ANO3: variants seen among roughly 807,000 people sequenced by gnomAD.
ANO3 encodes anoctamin-3.
Under a neutral mutation model 144.8 loss-of-function variants are expected in ANO3, and 99 were observed. The observed-to-expected ratio is 0.68, with a 90% CI of 0.58 to 0.81. The LOEUF is 0.81. Among genes scored for constraint, ANO3 ranks in the 30% least tolerant of loss-of-function variants. The pLI is 0.00. For missense variants in ANO3, 905 were observed against 1,202.2 expected (o/e 0.75, Z 3.66); for synonymous variants, 414 against 392.6 (o/e 1.05, Z -0.64).
chr11:26,650,480 T>C (rs528257339), intron 24 of ANO3, among the ~76,000 whole-genome samples: 2 of 152,228 alleles, frequency 1.3e-5, no homozygotes, highest in East Asian at 3.9e-4. Flanking sequence ...GAAATTAAGA[T>C]ATCATTTGCC....
In ANO3 at chr11:26,233,210, C is replaced by A. The variant is rs1357910603; in HGVS notation, c.154+43880C>A. Among the ~76,000 whole-genome samples the A allele has an allele frequency of 4.5e-5, 6 of 133,734 alleles. No homozygotes were observed. In the East Asian group the frequency reaches 1.3e-3, roughly 28 times the overall value. 87.7% of individuals were successfully genotyped at this position (133,734 alleles called of 152,430 possible). ...CCAGCCTGGGCAACAGAGCAAGACT[C>A]CGTCTCAAAAAAAAAAAAAGAAAAG... On this transcript the variant is annotated intron_variant, in intron 1 of 27. Coordinates refer to the ANO3 transcript ENST00000672621.
chr11:26,652,624 C>T (rs1157846701), intron 24 of ANO3, among the ~76,000 whole-genome samples: 3 of 152,114 alleles, frequency 2.0e-5, no homozygotes, highest in African/African-American at 7.2e-5. Context: ...AACATTGAAA[C>T]ATGCTTTTAT....
At chr11:26,487,588 G>C (rs1860506042) in intron 4 of ANO3, among the ~76,000 whole-genome samples, 1 of 152,134 alleles carries the variant, frequency 6.6e-6, no homozygotes, top group South Asian at 2.1e-4. Context: ...ATGTGGGAAA[G>C]CTTGGAACCT....
chr11:26,246,274 G>A (rs376906547), intron 1 of ANO3, among the ~76,000 whole-genome samples: 2 of 151,844 alleles, frequency 1.3e-5, no homozygotes, highest in Non-Finnish European at 2.9e-5. Context: ...TACATATTAC[G>A]GAAAATATAT....
At chr11:26,359,845 C>T (rs2133923024) in intron 1 of ANO3, among the ~76,000 whole-genome samples, 1 of 151,210 alleles carries the variant, frequency 6.6e-6, no homozygotes, top group South Asian at 2.1e-4. Flanking sequence ...CCCAGTTTTA[C>T]ATCTTGGTCA....
intron 1 of ANO3, among the ~76,000 whole-genome samples, chr11:26,440,853 T>C (rs1858484585): frequency 6.6e-6 from 1 of 152,174 alleles, no homozygotes; most frequent in Middle Eastern, 3.4e-3. Flanking sequence ...AATGAGAGTG[T>C]CCAGAGACAC....
intron 4 of ANO3, among the ~76,000 whole-genome samples, chr11:26,486,687 T>G (rs1460907842): frequency 6.6e-6 from 1 of 152,206 alleles, no homozygotes; most frequent in Non-Finnish European, 1.5e-5. Context: ...TGGCATCTTA[T>G]ACACTAAATT....
chr11:26,360,097 G>A (rs866233828), intron 1 of ANO3, among the ~76,000 whole-genome samples: 4 of 150,208 alleles, frequency 2.7e-5, no homozygotes, highest in African/African-American at 9.8e-5. Context: ...ATCTTCTAGT[G>A]TTTTTTAAAT....
At chr11:26,592,031 T>C (rs1201714002) in intron 14 of ANO3, among the ~76,000 whole-genome samples, 1 of 152,132 alleles carries the variant, frequency 6.6e-6, no homozygotes, top group Non-Finnish European at 1.5e-5. Flanking sequence ...TTCCTTTCCC[T>C]CCTCTCAGGG....
rs560313590 is a variant in ANO3, at chr11:26,349,406, CAT to C, written c.46+17086_46+17087del. On this transcript the variant is annotated intron_variant, in intron 1 of 26. Transcript: ENST00000256737. ...CAAAAATATATAAAAATCATTCACA[CAT>C]GTCTCAAGTATATAGAATTATTATT... 1.0e-3 allele frequency among the ~76,000 whole-genome samples: 153 copies of C among 152,280 alleles called. 1 individual carries two copies. The South Asian group carries it at 0.023, about 23-fold the overall frequency.
chr11:26,625,448 G>C (rs1447526207), intron 18 of ANO3, among the ~76,000 whole-genome samples: 1 of 152,082 alleles, frequency 6.6e-6, no homozygotes, highest in Non-Finnish European at 1.5e-5. Flanking sequence ...TCCTTCCAAG[G>C]TGGATATATC....
chr11:26,411,727 C>CTT (rs1857438985), intron 1 of ANO3, among the ~76,000 whole-genome samples: 3 of 71,654 alleles, frequency 4.2e-5, no homozygotes, highest in African/African-American at 1.2e-4. Flanking sequence ...AGAATCCATC[C>CTT]ATTTTTTTTT....
intron 1 of ANO3, among the ~76,000 whole-genome samples, chr11:26,265,743 T>C (rs111616255): frequency 6.6e-6 from 1 of 152,156 alleles, no homozygotes; most frequent in African/African-American, 2.4e-5. Context: ...AGCTAGGTAG[T>C]AGTCAAATAA....
chr11:26,232,298 G>A (rs144553119), intron 1 of ANO3, among the ~76,000 whole-genome samples: 67 of 152,232 alleles, frequency 4.4e-4, no homozygotes, highest in Middle Eastern at 6.8e-3. Context: ...ACAGCAAGAC[G>A]TGCTCAGGGC....
At chr11:26,515,233 A>C (rs1415414590) in intron 5 of ANO3, among the ~76,000 whole-genome samples, 1 of 151,996 alleles carries the variant, frequency 6.6e-6, no homozygotes, top group African/African-American at 2.4e-5. Context: ...ATCTTAAGCT[A>C]TTTTCCCATG....
chr11:26,547,658 T>C, intron 12 of ANO3, 108 bp downstream of exon 12: 1 of 1,063,186 alleles, frequency 9.4e-7, no homozygotes, highest in Non-Finnish European at 1.4e-6. Context: ...GATACTACAA[T>C]TTAATTTATT....
intron 10 of ANO3, among the ~76,000 whole-genome samples, chr11:26,538,302 G>A (rs910187209): frequency 1.2e-4 from 18 of 152,150 alleles, no homozygotes; most frequent in African/African-American, 4.3e-4. Context: ...CAAAGGCGCA[G>A]TTTTGAGCAC....
At chr11:26,251,579 T>A (rs1852928138) in intron 1 of ANO3, among the ~76,000 whole-genome samples, 1 of 152,162 alleles carries the variant, frequency 6.6e-6, no homozygotes, top group African/African-American at 2.4e-5. Context: ...CAGCAAAGGA[T>A]CATATTTTGA....
rs1467276153 is a variant in ANO3, at chr11:26,663,081, G to A, written c.*2637G>A. 1 of 152,258 alleles carries A rather than the reference G, an allele frequency of 6.6e-6. No homozygotes were observed. Among genetic ancestry groups the A allele is most frequent in the Non-Finnish European group, 1.5e-5 (1 of 67,960 alleles). 9.4% of individuals were successfully genotyped at this position (152,258 alleles called of 1,614,324 possible). A position where few individuals can be genotyped will look rare whatever the true frequency, so the allele number is the denominator to read the frequency against. On this transcript the variant is annotated 3_prime_UTR_variant, in exon 27 of 27. Transcript: ENST00000256737. ...GAAGAGCTTTCACTGTACAATGTGT[G>A]GAAAATCACCATAGATCATGGCTGA...
Sources: gnomAD v4.1 joint callset for allele counts (sites outside exome capture counted in the v4.1 genomes callset) on GRCh38, gnomAD v4.1.1 for gene constraint, MANE v1.5 for transcripts, NCBI Gene and HGNC (gene_info 2026-07-23, HGNC 2026-07-21) for gene names.